Variants in KIF13B observed in about 807,000 individuals in gnomAD.
KIF13B encodes the protein kinesin family member 13B.
KIF13B carries 127 observed loss-of-function variants against 222.0 expected under a neutral mutation model. That is an observed-to-expected ratio of 0.57 (90% CI 0.50 to 0.66). The LOEUF is 0.66. Among genes scored for constraint, KIF13B ranks in the 30% least tolerant of loss-of-function variants. KIF13B has a pLI of 0.00. For missense variants in KIF13B, 2,173 were observed against 2,379.0 expected (o/e 0.91, Z 1.80); for synonymous variants, 976 against 919.0 (o/e 1.06, Z -1.12).
chr8:29,220,718 G>A (rs556759217), intron 2 of KIF13B, among the ~76,000 whole-genome samples: 1 of 152,226 alleles, frequency 6.6e-6, no homozygotes, highest in East Asian at 1.9e-4. Flanking sequence ...CATAAAGAAA[G>A]GTGGCTTGTA....
At chr8:29,109,355 G>T in intron 34 of KIF13B, 79 bp downstream of exon 34, 1 of 1,114,830 alleles carries the variant, frequency 9.0e-7, no homozygotes, top group Non-Finnish European at 1.4e-6. Context: ...GGGTTTGACG[G>T]GTGGAGAAGA....
At chr8:29,177,133 G>T (rs1157838060) in intron 9 of KIF13B, among the ~76,000 whole-genome samples, 1 of 152,094 alleles carries the variant, frequency 6.6e-6, no homozygotes, top group Non-Finnish European at 1.5e-5. Flanking sequence ...ACACACCTGG[G>T]GGTGGGGGAA....
At chr8:29,170,010 C>T (rs1273243637) in intron 10 of KIF13B, among the ~76,000 whole-genome samples, 1 of 152,144 alleles carries the variant, frequency 6.6e-6, no homozygotes, top group Admixed American at 6.5e-5. Flanking sequence ...ACAACAAATG[C>T]TTGATATTTT....
chr8:29,164,854 T>G (rs1202209843), intron 12 of KIF13B, among the ~76,000 whole-genome samples: 3 of 151,552 alleles, frequency 2.0e-5, no homozygotes, highest in African/African-American at 7.2e-5. Flanking sequence ...CTAACGTGTT[T>G]TTTTTTTTTT....
At chr8:29,222,010 T>C (rs1274909714) in intron 2 of KIF13B, among the ~76,000 whole-genome samples, 1 of 152,138 alleles carries the variant, frequency 6.6e-6, no homozygotes, top group Non-Finnish European at 1.5e-5. Flanking sequence ...TGTTCTAATA[T>C]AAATTCTTAT....
chr8:29,091,123 G>A (rs1563691751), intron 37 of KIF13B, among the ~76,000 whole-genome samples: 1 of 152,178 alleles, frequency 6.6e-6, no homozygotes, highest in Non-Finnish European at 1.5e-5. Context: ...TGGAGTAAAT[G>A]AATAAAAATT....
chr8:29,098,227 G>C (rs1216377560), intron 36 of KIF13B, among the ~76,000 whole-genome samples: 1 of 130,116 alleles, frequency 7.7e-6, no homozygotes, highest in Non-Finnish European at 1.6e-5. Flanking sequence ...TAATAATCTA[G>C]ATAAACTAAG....
chr8:29,127,529 A>C (rs1438429314), intron 24 of KIF13B, among the ~76,000 whole-genome samples: 1 of 152,232 alleles, frequency 6.6e-6, no homozygotes, highest in African/African-American at 2.4e-5. Context: ...CTAAGAAAGG[A>C]AATGCAAACA....
intron 2 of KIF13B, among the ~76,000 whole-genome samples, chr8:29,238,872 C>CA (rs1329480708): frequency 6.6e-6 from 1 of 151,756 alleles, no homozygotes; most frequent in Non-Finnish European, 1.5e-5. Context: ...GTGGAGAGGA[C>CA]AAAAAAAGAA....
chr8:29,113,710 T>C (rs1198620642), intron 31 of KIF13B, among the ~76,000 whole-genome samples, 155 bp from the exon 32 acceptor site: 2 of 152,216 alleles, frequency 1.3e-5, no homozygotes, highest in Non-Finnish European at 2.9e-5. Flanking sequence ...TACGGTTTCT[T>C]CATCGTTGTC....
Position 29,132,441 on chromosome 8 carries a change from C to A in KIF13B, c.2809G>T (p.Asp937Tyr). 1.3e-6 allele frequency: 2 copies of A among 1,549,752 alleles called. No homozygotes were observed. The highest frequency in any genetic ancestry group is 1.7e-6 in the Non-Finnish European group (2 of 1,146,758). The stretch of plus-strand genomic sequence containing the variant: ...CCTTCGGAAAGATGCTCGATAAAGT[C>A]TTCGGTGATGTTAACAGAAAACTCC... Reference protein sequence around the residue: ...CNEFSVNITEDFIEHLSEGAL... With the variant: ...CNEFSVNITEYFIEHLSEGAL... Residue 937 changes from aspartate to tyrosine, a missense_variant, in exon 23 of 40, where the codon GAC (aspartate) becomes TAC (tyrosine). Around this residue, in one of 2 missense-constraint regions of KIF13B, gnomAD observed 1,480 missense variants for 1,722.8 expected, o/e 0.86. Transcript: ENST00000524189.
chr8:29,116,573 T>C (rs1809608393), intron 31 of KIF13B, among the ~76,000 whole-genome samples: 1 of 151,882 alleles, frequency 6.6e-6, no homozygotes, highest in Non-Finnish European at 1.5e-5. Flanking sequence ...CTTGACAGGG[T>C]TGTGTGGTAC....
chr8:29,231,569 T>C (rs747223908), intron 2 of KIF13B, among the ~76,000 whole-genome samples: 4 of 152,188 alleles, frequency 2.6e-5, no homozygotes, highest in Admixed American at 6.5e-5. Flanking sequence ...GCAAGGAAGC[T>C]TCCGTGCTCC....
In KIF13B at chr8:29,140,585, T is replaced by C; in HGVS notation, c.2367A>G (p.Pro789=). 1.2e-6 allele frequency: 2 copies of C among 1,613,874 alleles called. No individual in the cohort carries two copies. Among genetic ancestry groups the C allele is most frequent in the Non-Finnish European group, 1.7e-6 (2 of 1,179,770 alleles). ...TGTGATTTTCCTGCTCATCATAGAA[T>C]GGATCAGCACGTTTGAAGTATGATC... ...VIRSYFKRAD[P]FYDEQENHSL... The change falls in exon 20 of 40, where the codon CCA becomes CCG. Residue 789 remains proline (P), a synonymous_variant. Transcript: ENST00000524189.
At chr8:29,197,359 A>C (rs111859198) in intron 2 of KIF13B, among the ~76,000 whole-genome samples, 3 of 148,192 alleles carry the variant, frequency 2.0e-5, no homozygotes, top group South Asian at 2.1e-4. Flanking sequence ...AAAAAAAAAA[A>C]AACTCAATAT....
chr8:29,145,127 C>G (rs549187301), intron 18 of KIF13B, among the ~76,000 whole-genome samples: 2 of 152,340 alleles, frequency 1.3e-5, no homozygotes, highest in South Asian at 4.1e-4. Context: ...GTGAGTCCTA[C>G]TGTACCCAGA....
In KIF13B at chr8:29,140,483, G is replaced by T. The variant is rs774999474; in HGVS notation, c.2469C>A (p.Ile823=). The change falls in exon 20 of 40, where the codon ATC becomes ATA. Residue 823 remains isoleucine (I), a synonymous_variant. Transcript: ENST00000524189. ...DVKLQYAVPI[I]NQKGEVAGRL... is the part of the protein sequence containing the mutation. ...GAAAACCAACCTCTCCTTTCTGGTT[G>T]ATGATGGGAACAGCGTATTGTAACT... 1 of 1,613,646 alleles carries T rather than the reference G, an allele frequency of 6.2e-7. No homozygotes were observed. Among genetic ancestry groups the T allele is most frequent in the South Asian group, 1.1e-5 (1 of 90,980 alleles).
At chr8:29,089,222 C>G (rs1037649679) in intron 37 of KIF13B, among the ~76,000 whole-genome samples, 205 of 152,214 alleles carry the variant, frequency 1.3e-3, no homozygotes, top group African/African-American at 4.8e-3. Flanking sequence ...GACTTGAGCC[C>G]AGGAGTTCAA....
intron 6 of KIF13B, among the ~76,000 whole-genome samples, chr8:29,185,866 C>T (rs1162513197): frequency 6.6e-5 from 10 of 152,214 alleles, no homozygotes; most frequent in East Asian, 5.8e-4. Flanking sequence ...GTGCACTTTC[C>T]TCACTCAGTT....
Sources: allele counts gnomAD v4.1 joint callset (sites outside exome capture counted in the v4.1 genomes callset), GRCh38; gene constraint gnomAD v4.1.1; regional missense constraint gnomAD v4.1.1; transcripts MANE v1.5; gene names NCBI Gene and HGNC (gene_info 2026-07-23, HGNC 2026-07-21).